SENP6: variants seen among roughly 807,000 people sequenced by gnomAD.
SENP6 encodes SUMO specific peptidase 6, also known as sentrin-specific protease 6.
In SENP6, 41 loss-of-function variants were observed where a neutral mutation model predicts 134.5. The ratio of observed to expected loss-of-function variants is 0.30; its 90% CI spans 0.24 to 0.40. The LOEUF (loss-of-function observed/expected upper bound fraction) is 0.40. SENP6 is among the 10% of genes least tolerant of loss of function. SENP6 has a pLI of 1.00. For synonymous variants in SENP6, 395 were observed against 429.8 expected (o/e 0.92, Z 1.00); for missense variants, 1,248 against 1,312.5 (o/e 0.95, Z 0.76).
chr6:75,705,610 A>G (rs1468071563), intron 19 of SENP6, among the ~76,000 whole-genome samples: 1 of 152,144 alleles, frequency 6.6e-6, no homozygotes, highest in African/African-American at 2.4e-5. Flanking sequence ...TAAATTTGAT[A>G]TCAAGTCAAT....
intron 7 of SENP6, 50 bp from the exon 8 acceptor site, chr6:75,659,212 T>A: frequency 7.3e-7 from 1 of 1,375,968 alleles, no homozygotes; most frequent in Non-Finnish European, 1.0e-6. Flanking sequence ...GCTGAAACAC[T>A]AGCTTATTTT....
At chr6:75,621,326 T>C (rs943809512) in intron 1 of SENP6, among the ~76,000 whole-genome samples, 4 of 152,220 alleles carry the variant, frequency 2.6e-5, no homozygotes, top group African/African-American at 9.6e-5. Context: ...AGCAAGCACA[T>C]GTATGGATGA....
intron 1 of SENP6, among the ~76,000 whole-genome samples, chr6:75,605,022 G>A (rs961236311): frequency 2.0e-5 from 3 of 152,046 alleles, no homozygotes; most frequent in Non-Finnish European, 2.9e-5. Context: ...GCAGTGAGCC[G>A]AGATCGCACC....
Position 75,709,601 on chromosome 6 carries a change from G to A in SENP6, c.2791G>A (p.Val931Ile), listed in dbSNP as rs376503042. ...EAGKMLEDELVDFSEDQDNQD... is the reference protein window; with the variant it reads ...EAGKMLEDELIDFSEDQDNQD... ...TGGTAAAATGCTTGAAGATGAACTC[G>A]TCGACTTCTCAGAAGATCAGGATAA... The change falls in exon 20 of 24, where the codon GTC (valine) becomes ATC (isoleucine). Residue 931 changes from valine (V) to isoleucine (I), a missense_variant. By Grantham distance (29) the Val-to-Ile change is conservative. Transcript: ENST00000447266. 9.9e-6 allele frequency: 16 copies of A among 1,613,600 alleles called. No homozygotes were observed. The highest frequency in any genetic ancestry group is 4.0e-5 in the African/African-American group (3 of 74,892).
chr6:75,672,494 A>G (rs1772755762), intron 11 of SENP6, among the ~76,000 whole-genome samples: 1 of 152,232 alleles, frequency 6.6e-6, no homozygotes, highest in African/African-American at 2.4e-5. Flanking sequence ...CCAGCCAAAA[A>G]ATATAATGTA....
Position 75,602,589 on chromosome 6 carries a change from C to G in SENP6, c.52+13C>G. 1.3e-6 allele frequency: 2 copies of G among 1,551,072 alleles called. No individual in the cohort carries two copies. Among genetic ancestry groups the G allele is most frequent in the Non-Finnish European group, 1.7e-6 (2 of 1,146,636 alleles). ...ACTTTTCTGGAAGGTACGTCTGTTT[C>G]TGCCCTTGACGGGGAGAAGGGAGGG... On this transcript the variant is annotated intron_variant, in intron 1 of 23. Transcript: ENST00000447266.
intron 20 of SENP6, among the ~76,000 whole-genome samples, chr6:75,710,816 G>A (rs1163717840): frequency 2.0e-5 from 3 of 152,094 alleles, no homozygotes; most frequent in Non-Finnish European, 4.4e-5. Flanking sequence ...ACAGAATAAG[G>A]ACTCAGTGTC....
chr6:75,666,887 A>G lies in SENP6; in HGVS notation c.1170A>G (p.Glu390=), dbSNP rs1244708376. The change falls in exon 10 of 24, where the codon GAA becomes GAG. Residue 390 remains glutamate, a synonymous_variant. Transcript: ENST00000447266. Reference sequence around the variant, plus strand: ...AGCGTGAACTACGAAGCATTCCAGAAGACTCAGAGTTAAATACAGTTACAT... The same window carrying G: ...AGCGTGAACTACGAAGCATTCCAGAGGACTCAGAGTTAAATACAGTTACAT... The part of the protein sequence containing the change: ...RAERELRSIP[E]DSELNTVTLP... 6.2e-7 allele frequency: 1 copy of G among 1,611,794 alleles called. No homozygotes were observed.
chr6:75,691,012 T>A (rs1355814888), intron 16 of SENP6, among the ~76,000 whole-genome samples: 1 of 151,452 alleles, frequency 6.6e-6, no homozygotes, highest in East Asian at 1.9e-4. Context: ...CCTAATTTTT[T>A]TTTTTTTTTT....
chr6:75,678,227 A>G lies in SENP6; in HGVS notation c.1849-356A>G, dbSNP rs189776599. ...CCCTGAGCCTCTGCCCCTACATCTT[A>G]TAGATTGCCTAGCCATTGAACTAAG... On this transcript the variant is annotated intron_variant, in intron 14 of 23. Transcript: ENST00000447266. 19 of 197,946 alleles carry G rather than the reference A, an allele frequency of 9.6e-5. No individual in the cohort carries two copies. In the South Asian group the frequency reaches 1.8e-3, roughly 18 times the overall value. The allele number at this position is 197,946 out of a possible 1,614,324, so 12.3% of individuals were successfully genotyped here.
chr6:75,633,758 A>G, intron 4 of SENP6, 32 bp downstream of exon 4: 3 of 1,559,350 alleles, frequency 1.9e-6, no homozygotes, highest in Non-Finnish European at 2.6e-6. Flanking sequence ...TTCCTACAGA[A>G]AAGATAAAGG....
intron 16 of SENP6, among the ~76,000 whole-genome samples, chr6:75,682,444 T>C (rs2149883371): frequency 6.6e-6 from 1 of 152,064 alleles, no homozygotes; most frequent in South Asian, 2.1e-4. Flanking sequence ...CTATGGTACA[T>C]GTGCACAACA....
At chr6:75,663,999 G>A (rs887706655) in intron 9 of SENP6, among the ~76,000 whole-genome samples, 4 of 152,016 alleles carry the variant, frequency 2.6e-5, no homozygotes, top group Admixed American at 2.0e-4. Context: ...AATTATTGGG[G>A]ACTGGTTGAC....
intron 5 of SENP6, among the ~76,000 whole-genome samples, chr6:75,637,098 C>CTG (rs1364654397): frequency 6.6e-6 from 1 of 152,030 alleles, no homozygotes; most frequent in African/African-American, 2.4e-5. Flanking sequence ...GTTACTTAGG[C>CTG]TGGTCTCCAG....
At chr6:75,661,779 T>A (rs980963627) in intron 8 of SENP6, among the ~76,000 whole-genome samples, 1 of 152,182 alleles carries the variant, frequency 6.6e-6, no homozygotes, top group Non-Finnish European at 1.5e-5. Context: ...CCGGGCACAG[T>A]GGCTCATGCC....
Position 75,715,314 on chromosome 6 carries a change from G to C in SENP6, c.3130-71G>C, listed in dbSNP as rs1315042361. ...TTGGGTTTTCTTATTTTTAACTTCG[G>C]AATGTTTCTGTGATTGAAATGAAAG... is the stretch of plus-strand genomic sequence containing the variant. On this transcript the variant is annotated intron_variant, in intron 23 of 23. Transcript: ENST00000447266. The C allele has an allele frequency of 4.3e-6, 5 of 1,169,138 alleles. No individual in the cohort carries two copies. The East Asian group carries it at 1.2e-4, about 27-fold the overall frequency. 72.4% of individuals were successfully genotyped at this position (1,169,138 alleles called of 1,614,324 possible).
chr6:75,655,571 G>A (rs1771254726), intron 7 of SENP6, among the ~76,000 whole-genome samples: 1 of 152,168 alleles, frequency 6.6e-6, no homozygotes, highest in Non-Finnish European at 1.5e-5. Flanking sequence ...ATACTCTTAT[G>A]TGAGGCTTCT....
At chr6:75,660,314 T>A (rs1293045031) in intron 8 of SENP6, among the ~76,000 whole-genome samples, 1 of 152,242 alleles carries the variant, frequency 6.6e-6, no homozygotes, top group East Asian at 1.9e-4. Context: ...ATTTCTTCAC[T>A]GCAATGTCAG....
chr6:75,710,879 C>T (rs569688085), intron 20 of SENP6, among the ~76,000 whole-genome samples: 3 of 152,260 alleles, frequency 2.0e-5, no homozygotes, highest in African/African-American at 7.2e-5. Flanking sequence ...TCAAGGAAAA[C>T]AGTGTTTCCA....
Sources: allele counts gnomAD v4.1 joint callset (sites outside exome capture counted in the v4.1 genomes callset), GRCh38; gene constraint gnomAD v4.1.1; transcripts MANE v1.5; gene names NCBI Gene and HGNC (gene_info 2026-07-23, HGNC 2026-07-21).